TCF7L2: variants seen among roughly 807,000 people sequenced by gnomAD.
TCF7L2 encodes the protein transcription factor 7 like 2, also known as transcription factor 7-like 2.
In TCF7L2, 23 loss-of-function variants were observed where a neutral mutation model predicts 77.9. The ratio of observed to expected loss-of-function variants is 0.30; its 90% CI spans 0.21 to 0.42. The LOEUF is 0.42. TCF7L2 is among the 10% of genes least tolerant of loss of function. The pLI is 1.00. For synonymous variants in TCF7L2, 413 were observed against 340.2 expected, an observed-to-expected ratio of 1.21 and a Z score of -2.36; for missense variants, 654 against 793.1, an observed-to-expected ratio of 0.82 and a Z score of 2.11.
intron 4 of TCF7L2, among the ~76,000 whole-genome samples, chr10:113,008,862 A>G (rs1043169289): frequency 6.6e-6 from 1 of 152,172 alleles, no homozygotes; most frequent in Non-Finnish European, 1.5e-5. Flanking sequence ...CTCAGGGATT[A>G]GTTGCTCAAC....
intron 4 of TCF7L2, among the ~76,000 whole-genome samples, chr10:113,033,769 T>G (rs765540051): frequency 1.3e-5 from 2 of 152,180 alleles, no homozygotes; most frequent in African/African-American, 4.8e-5. Flanking sequence ...CTGGAGTATG[T>G]TTTTACTTAG....
chr10:113,118,112 C>G (rs1003446623), intron 5 of TCF7L2, among the ~76,000 whole-genome samples: 2 of 151,980 alleles, frequency 1.3e-5, no homozygotes, highest in African/African-American at 4.8e-5. Flanking sequence ...CAGACGGGGT[C>G]GAGAATTTAC....
Position 113,151,342 on chromosome 10 carries a change from T to TTG in TCF7L2, c.1001+227_1001+228dup, listed in dbSNP as rs1257669206. 6.6e-6 allele frequency among the ~76,000 whole-genome samples: 1 copy of TTG among 152,096 alleles called. No homozygotes were observed. The highest frequency in any genetic ancestry group is 2.4e-5 in the African/African-American group (1 of 41,416). ...CCGTGGGTTAGAACAGAACTGTTTTTTGTGTGTGTACTTGGATACACTGGG... is the reference window on the plus strand; with the variant it reads ...CCGTGGGTTAGAACAGAACTGTTTTTTGTGTGTGTGTACTTGGATACACTGGG... On this transcript the variant is annotated intron_variant, in intron 9 of 13. Transcript: ENST00000627217. This position sits in a 1 kb window ranked among gnomAD's most constrained non-coding sequence, Gnocchi z 5.2.
intron 4 of TCF7L2, among the ~76,000 whole-genome samples, chr10:113,035,240 A>AT (rs1005348604): frequency 2.0e-5 from 3 of 152,124 alleles, no homozygotes; most frequent in Admixed American, 6.5e-5. Context: ...AAACGTTGCT[A>AT]TTAGGCCACC....
chr10:113,060,383 A>C (rs2056234359), intron 5 of TCF7L2, among the ~76,000 whole-genome samples: 1 of 152,180 alleles, frequency 6.6e-6, no homozygotes, highest in Non-Finnish European at 1.5e-5. Context: ...CCTTAAAAGG[A>C]CTGTGTTGTT....
chr10:113,017,625 C>T (rs1324251718), intron 4 of TCF7L2, among the ~76,000 whole-genome samples: 1 of 152,192 alleles, frequency 6.6e-6, no homozygotes, highest in African/African-American at 2.4e-5. Flanking sequence ...TGGAGACACC[C>T]TCTCTGGTCA....
chr10:113,021,460 C>A (rs1255776683), intron 4 of TCF7L2, among the ~76,000 whole-genome samples: 1 of 152,142 alleles, frequency 6.6e-6, no homozygotes, highest in Non-Finnish European at 1.5e-5. Context: ...GAGGCAATTA[C>A]CAACTTTGGA....
chr10:113,049,263 A>T (rs2053984752), intron 5 of TCF7L2, among the ~76,000 whole-genome samples: 1 of 151,998 alleles, frequency 6.6e-6, no homozygotes, highest in African/African-American at 2.4e-5. Context: ...GGAAATTAGC[A>T]TGCCCAGAAT....
chr10:113,019,256 G>A (rs993439602), intron 4 of TCF7L2, among the ~76,000 whole-genome samples: 2 of 152,206 alleles, frequency 1.3e-5, no homozygotes, highest in Non-Finnish European at 2.9e-5. Flanking sequence ...TGAGGCTGCC[G>A]TTCTGGTGGG....
At chr10:113,090,486 T>C (rs572535591) in intron 5 of TCF7L2, among the ~76,000 whole-genome samples, 1 of 152,322 alleles carries the variant, frequency 6.6e-6, no homozygotes, top group Admixed American at 6.5e-5. Context: ...AGACAAAATG[T>C]GGAATAAGTC....
chr10:113,155,532 C>T (rs1370406108), intron 11 of TCF7L2, among the ~76,000 whole-genome samples: 1 of 152,202 alleles, frequency 6.6e-6, no homozygotes, highest in Non-Finnish European at 1.5e-5. Context: ...TAAATGACAA[C>T]TTCTTCAGTA....
At chr10:113,076,312 A>C (rs1338350622) in intron 5 of TCF7L2, among the ~76,000 whole-genome samples, 5 of 151,868 alleles carry the variant, frequency 3.3e-5, no homozygotes, top group Non-Finnish European at 7.4e-5. Context: ...TAACTTTTTT[A>C]TTTTTTGTAG....
chr10:112,981,759 C>T (rs1226728270), intron 4 of TCF7L2, among the ~76,000 whole-genome samples: 1 of 152,114 alleles, frequency 6.6e-6, no homozygotes, highest in Admixed American at 6.5e-5. Context: ...TTTCTTTCGC[C>T]CTGAGAGTGG....
At chr10:113,156,121 T>C (rs1261736342) in intron 11 of TCF7L2, among the ~76,000 whole-genome samples, 8 of 150,518 alleles carry the variant, frequency 5.3e-5, no homozygotes, top group Non-Finnish European at 1.0e-4. Flanking sequence ...CTTTCTTTTT[T>C]TTTTTTTTTT....
intron 5 of TCF7L2, among the ~76,000 whole-genome samples, chr10:113,090,618 C>G: frequency 6.6e-6 from 1 of 152,138 alleles, no homozygotes; most frequent in Admixed American, 6.5e-5. Flanking sequence ...GATAATCTCT[C>G]TCTCTTTTTT....
intron 4 of TCF7L2, among the ~76,000 whole-genome samples, chr10:112,967,792 C>T (rs1274954758): frequency 1.6e-4 from 24 of 152,208 alleles, no homozygotes; most frequent in African/African-American, 4.6e-4. Context: ...TGTGCCACCA[C>T]GCCCGGCTAT....
At chr10:113,062,237 C>T (rs913247476) in intron 5 of TCF7L2, among the ~76,000 whole-genome samples, 2 of 152,172 alleles carry the variant, frequency 1.3e-5, no homozygotes, top group African/African-American at 4.8e-5. Context: ...GCAGAAGGCT[C>T]TCCTCAAACC....
chr10:113,030,675 G>A (rs901601781), intron 4 of TCF7L2, among the ~76,000 whole-genome samples: 2 of 152,190 alleles, frequency 1.3e-5, no homozygotes, highest in South Asian at 2.1e-4. Flanking sequence ...TCAGCTTAGC[G>A]GCCAAGGAGC....
intron 4 of TCF7L2, among the ~76,000 whole-genome samples, chr10:112,986,208 G>A (rs1369174320): frequency 1.3e-5 from 2 of 152,040 alleles, no homozygotes; most frequent in Non-Finnish European, 2.9e-5. Context: ...ACATGAAAAT[G>A]TCTTGGGTTG....
Sources: gnomAD v4.1 joint callset for allele counts (sites outside exome capture counted in the v4.1 genomes callset) on GRCh38, gnomAD v4.1.1 for gene constraint, Gnocchi (gnomAD v3.1) non-coding constraint, MANE v1.5 for transcripts, NCBI Gene and HGNC (gene_info 2026-07-23, HGNC 2026-07-21) for gene names.